The following STX7 variants were observed in gnomAD, a reference collection of about 807,000 sequenced individuals.
The protein encoded by STX7 is syntaxin 7, also known as syntaxin-7.
A neutral mutation model predicts 39.6 loss-of-function variants in STX7; 34 were observed. The observed-to-expected ratio is 0.86, with a 90% CI of 0.65 to 1.14. STX7 has a LOEUF of 1.14. STX7 is among the 50% of genes most tolerant of loss of function. The probability of loss-of-function intolerance (pLI) is 0.00; values close to 1 mark genes in which losing one functional copy is unlikely to be tolerated. For synonymous variants in STX7, 119 were observed against 99.1 expected (o/e 1.20, Z -1.19); for missense variants, 284 against 310.4 (o/e 0.92, Z 0.64).
chr6:132,469,234 A>G lies in STX7; in HGVS notation c.537+717T>C, dbSNP rs577802667. Among the ~76,000 whole-genome samples, 67 of 152,310 alleles carry G rather than the reference A, an allele frequency of 4.4e-4. 1 individual carries two copies. In the South Asian group the frequency reaches 0.011, roughly 24 times the overall value. On this transcript the variant is annotated intron_variant, in intron 7 of 9. Transcript: ENST00000367941. Reference sequence around the variant, plus strand: ...CCTTTAGATCTCTTTGATGTCATAAACATAGTAAAGAGAAATAAAATTCTT... The same window carrying G: ...CCTTTAGATCTCTTTGATGTCATAAGCATAGTAAAGAGAAATAAAATTCTT...
chr6:132,475,449 A>G (rs933845184), intron 3 of STX7, 144 bp downstream of exon 3: 24 of 477,690 alleles, frequency 5.0e-5, no homozygotes, highest in African/African-American at 3.8e-4. Flanking sequence ...CTTGGTACAA[A>G]TGTATGGATA....
chr6:132,471,707 A>G (rs1013386022), intron 4 of STX7, 107 bp from the exon 5 acceptor site: 34 of 1,269,406 alleles, frequency 2.7e-5, no homozygotes, highest in South Asian at 4.3e-5. Flanking sequence ...TTACTCCCCA[A>G]TTACAGGGCC....
chr6:132,459,519 T>G lies in STX7; in HGVS notation c.*1239A>C, dbSNP rs1774334109. 1 of 152,218 alleles carries G rather than the reference T, an allele frequency of 6.6e-6. No homozygotes were observed. The highest frequency in any genetic ancestry group is 1.5e-5 in the Non-Finnish European group (1 of 68,034). 9.4% of individuals were successfully genotyped at this position (152,218 alleles called of 1,614,324 possible). On this transcript the variant is annotated 3_prime_UTR_variant, in exon 10 of 10. Coordinates refer to ENST00000367941, the MANE Select transcript of STX7 (RefSeq NM_003569.3). ...TGAAATAGGCCTAACCAGATACCTT[T>G]TAACTCATCTTTATTTTGGTTGCAA...
rs369023048 is a variant in STX7, at chr6:132,459,056, G to A, written c.*1702C>T. ...ACTTTAAAACAGCGGTAAGACGCTGGTTTATCACCAGAAACCTCATGTGCC... is the reference window on the plus strand; with the variant it reads ...ACTTTAAAACAGCGGTAAGACGCTGATTTATCACCAGAAACCTCATGTGCC... On this transcript the variant is annotated 3_prime_UTR_variant, in exon 10 of 10. Transcript: ENST00000367941. 3.9e-5 allele frequency: 6 copies of A among 152,188 alleles called. No individual in the cohort carries two copies. The highest frequency in any genetic ancestry group is 7.3e-5 in the Non-Finnish European group (5 of 68,034). 9.4% of individuals were successfully genotyped at this position (152,188 alleles called of 1,614,324 possible).
intron 9 of STX7, among the ~76,000 whole-genome samples, chr6:132,461,199 A>G (rs569606773): frequency 6.6e-6 from 1 of 152,356 alleles, no homozygotes; most frequent in East Asian, 1.9e-4. Context: ...AAAATAAAGA[A>G]CAGCTTACGA....
At chr6:132,461,252 T>C (rs1774388495) in intron 9 of STX7, among the ~76,000 whole-genome samples, 1 of 152,168 alleles carries the variant, frequency 6.6e-6, no homozygotes, top group African/African-American at 2.4e-5. Context: ...TTCTTAAAAA[T>C]GAGTTCTCTG....
At chr6:132,503,706 G>A (rs1417334720) in intron 1 of STX7, 118 bp from the exon 2 acceptor site, 2 of 431,142 alleles carry the variant, frequency 4.6e-6, no homozygotes, top group Non-Finnish European at 4.1e-6. Context: ...GTTGAAATCT[G>A]GCAAAGTGAC....
intron 1 of STX7, among the ~76,000 whole-genome samples, chr6:132,509,144 G>A (rs867645852): frequency 5.9e-5 from 9 of 152,096 alleles, no homozygotes; most frequent in African/African-American, 2.2e-4. Flanking sequence ...ACAAAATTGA[G>A]GGCAGGTGAA....
chr6:132,487,260 G>A (rs1241867638), intron 2 of STX7, among the ~76,000 whole-genome samples: 1 of 151,964 alleles, frequency 6.6e-6, no homozygotes, highest in Non-Finnish European at 1.5e-5. Context: ...CAACTTTATT[G>A]TCATAAAGTT....
At chr6:132,505,975 C>CA (rs1775697476) in intron 1 of STX7, among the ~76,000 whole-genome samples, 1 of 150,620 alleles carries the variant, frequency 6.6e-6, no homozygotes, top group Non-Finnish European at 1.5e-5. Context: ...ACAAAGTTGA[C>CA]AAAAACATAC....
At chr6:132,481,130 A>G (rs1775005360) in intron 2 of STX7, among the ~76,000 whole-genome samples, 1 of 152,220 alleles carries the variant, frequency 6.6e-6, no homozygotes, top group African/African-American at 2.4e-5. Context: ...CATGAGGGAT[A>G]GCAGCAGTGT....
chr6:132,483,365 T>C (rs559696401), intron 2 of STX7, among the ~76,000 whole-genome samples: 4 of 152,302 alleles, frequency 2.6e-5, no homozygotes, highest in African/African-American at 7.2e-5. Context: ...TTTTGTTCCA[T>C]GGTTAGTTGA....
chr6:132,483,893 G>A (rs1196094086), intron 2 of STX7, among the ~76,000 whole-genome samples: 1 of 152,166 alleles, frequency 6.6e-6, no homozygotes, highest in African/African-American at 2.4e-5. Flanking sequence ...CCCAAGTCCA[G>A]TCTGTAGGAT....
At chr6:132,495,842 A>G (rs1029687008) in intron 2 of STX7, among the ~76,000 whole-genome samples, 1 of 152,330 alleles carries the variant, frequency 6.6e-6, no homozygotes, top group African/African-American at 2.4e-5. Flanking sequence ...GCCATGCACC[A>G]ATTCTTAATA....
intron 2 of STX7, among the ~76,000 whole-genome samples, chr6:132,486,796 G>C (rs1181652903): frequency 2.0e-5 from 3 of 151,368 alleles, no homozygotes; most frequent in Non-Finnish European, 4.4e-5. Context: ...CTCCCAAGTA[G>C]CTGGGATTAC....
In STX7 at chr6:132,446,282, G is replaced by C. The variant is rs959375647; in HGVS notation, c.*14476C>G. On this transcript the variant is annotated 3_prime_UTR_variant, in exon 10 of 10. Coordinates refer to ENST00000367941, the MANE Select transcript of STX7 (RefSeq NM_003569.3). Reference sequence around the variant, plus strand: ...TGATCATTCATCTTCTCGAGGCCAAGTACTTGGTCTGAACACAGAGTCACT... The same window carrying C: ...TGATCATTCATCTTCTCGAGGCCAACTACTTGGTCTGAACACAGAGTCACT... 6.6e-6 allele frequency: 1 copy of C among 152,126 alleles called. No individual in the cohort carries two copies. The highest frequency in any genetic ancestry group is 1.5e-5 in the Non-Finnish European group (1 of 68,014). The allele number at this position is 152,126 out of a possible 1,614,324, so 9.4% of individuals were successfully genotyped here.
intron 1 of STX7, among the ~76,000 whole-genome samples, chr6:132,508,128 G>A (rs1775753817): frequency 6.6e-6 from 1 of 152,220 alleles, no homozygotes; most frequent in Non-Finnish European, 1.5e-5. Context: ...GTTATGATCT[G>A]TTCTTGCAGC....
rs1003039056 is a variant in STX7, at chr6:132,456,020, C to T, written c.*4738G>A. 5.9e-5 allele frequency: 9 copies of T among 152,156 alleles called. No individual in the cohort carries two copies. The highest frequency in any genetic ancestry group is 1.9e-4 in the African/African-American group (8 of 41,422). The allele number at this position is 152,156 out of a possible 1,614,324, so 9.4% of individuals were successfully genotyped here. ...GATTCCAAATTCCCCTTGGATCTCA[C>T]CCTTCTGTCTAGTGCTTTGCCCTCT... On this transcript the variant is annotated 3_prime_UTR_variant, in exon 10 of 10. Coordinates refer to ENST00000367941, the MANE Select transcript of STX7 (RefSeq NM_003569.3).
intron 2 of STX7, among the ~76,000 whole-genome samples, chr6:132,501,038 T>G (rs1237101610): frequency 6.6e-6 from 1 of 152,032 alleles, no homozygotes; most frequent in Admixed American, 6.6e-5. Context: ...TGACTGTACC[T>G]TCACCTGCAT....
Sources: allele counts gnomAD v4.1 joint callset (sites outside exome capture counted in the v4.1 genomes callset), GRCh38; gene constraint gnomAD v4.1.1; transcripts MANE v1.5; gene names NCBI Gene and HGNC (gene_info 2026-07-23, HGNC 2026-07-21).